The following POLA2 variants were observed in gnomAD, a reference collection of about 807,000 sequenced individuals.
POLA2 encodes the protein DNA polymerase alpha 2, accessory subunit, also known as DNA polymerase alpha subunit B.
POLA2 carries 47 observed loss-of-function variants against 82.8 expected under a neutral mutation model. The observed-to-expected ratio is 0.57, with a 90% CI of 0.45 to 0.72. The LOEUF is 0.72. Among genes scored for constraint, POLA2 ranks in the 30% least tolerant of loss-of-function variants. The pLI is 0.00. For missense variants in POLA2, 634 were observed against 728.1 expected, an observed-to-expected ratio of 0.87 and a Z score of 1.49; for synonymous variants, 287 against 286.8, an observed-to-expected ratio of 1.00 and a Z score of -0.01.
intron 17 of POLA2, 110 bp downstream of exon 17, chr11:65,296,100 C>T: frequency 8.6e-7 from 1 of 1,164,564 alleles, no homozygotes; most frequent in Non-Finnish European, 1.3e-6. Context: ...GGGATGGGGC[C>T]TCTAGCACCC....
intron 4 of POLA2, among the ~76,000 whole-genome samples, chr11:65,272,344 T>C (rs1209575845): frequency 1.3e-5 from 2 of 152,178 alleles, no homozygotes; most frequent in Non-Finnish European, 2.9e-5. Flanking sequence ...GGCCTTTCCA[T>C]ACAAACAGTG....
At chr11:65,286,578 CAG>C (rs959258467) in intron 10 of POLA2, among the ~76,000 whole-genome samples, 2 of 151,956 alleles carry the variant, frequency 1.3e-5, no homozygotes, top group East Asian at 1.9e-4. Context: ...TTTGTAGAAA[CAG>C]GGTTTCATTA....
chr11:65,287,245 C>A (rs1445698005), intron 10 of POLA2, among the ~76,000 whole-genome samples: 1 of 152,062 alleles, frequency 6.6e-6, no homozygotes, highest in East Asian at 1.9e-4. Flanking sequence ...TGGAGTCTCC[C>A]GTTCCAGTCT....
chr11:65,292,308 G>A (rs1949763688), intron 13 of POLA2, among the ~76,000 whole-genome samples: 1 of 152,228 alleles, frequency 6.6e-6, no homozygotes, highest in Non-Finnish European at 1.5e-5. Flanking sequence ...CGTCCTGTTT[G>A]CGGGAGCAGC....
At chr11:65,264,229 G>T (rs552953004) in intron 1 of POLA2, among the ~76,000 whole-genome samples, 1 of 151,992 alleles carries the variant, frequency 6.6e-6, no homozygotes, top group Non-Finnish European at 1.5e-5. Flanking sequence ...CACCACGCCC[G>T]GCTAATTTTT....
At chr11:65,299,586 A>G (rs938043523), downstream of POLA2, among the ~76,000 whole-genome samples, 7 of 152,182 alleles carry the variant, frequency 4.6e-5, no homozygotes, top group African/African-American at 1.7e-4. Context: ...TTCTGCAGCC[A>G]CTGGGGCTTG....
chr11:65,292,924 T>C (rs1949770285), intron 13 of POLA2, among the ~76,000 whole-genome samples: 4 of 152,228 alleles, frequency 2.6e-5, no homozygotes, highest in Admixed American at 2.0e-4. Flanking sequence ...ACGGCCCCTC[T>C]GCCAAGGTCA....
chr11:65,290,729 C>T (rs1473502437), intron 13 of POLA2, among the ~76,000 whole-genome samples: 1 of 152,188 alleles, frequency 6.6e-6, no homozygotes, highest in African/African-American at 2.4e-5. Flanking sequence ...TTTTCTCACT[C>T]CCTTTTGTAT....
rs768302933 is a variant in POLA2, at chr11:65,282,543, G to A, written c.1006+22G>A. On this transcript the variant is annotated intron_variant, in intron 10 of 17. Transcript: ENST00000265465. The stretch of plus-strand genomic sequence containing the variant: ...GCAGGTGAGTTTCGGTTCAAATATT[G>A]TTTTGCCAACAATGAGGATGGTAGA... 25 of 1,604,954 alleles carry A rather than the reference G, an allele frequency of 1.6e-5. No homozygotes were observed. In the South Asian group the frequency reaches 2.4e-4, roughly 16 times the overall value.
chr11:65,295,472 C>T (rs1949799990), intron 15 of POLA2, 68 bp from the exon 16 acceptor site: 1 of 1,316,674 alleles, frequency 7.6e-7, no homozygotes. Context: ...TTAAATTCTC[C>T]AGTCCTCCCT....
chr11:65,305,289 A>G (rs971690571), intron 8 of POLA2: 6 of 444,778 alleles, frequency 1.3e-5, no homozygotes, highest in African/African-American at 1.2e-4. Context: ...TGTGGCTCTT[A>G]AGCAAATGAA....
chr11:65,293,608 C>CAA (rs35492423), intron 13 of POLA2, among the ~76,000 whole-genome samples: 7 of 73,546 alleles, frequency 9.5e-5, no homozygotes, highest in Admixed American at 3.0e-4. Flanking sequence ...GGCTCTGTCT[C>CAA]AAAAAAAAAA....
In POLA2 at chr11:65,297,324, A is replaced by G; in HGVS notation, c.*55A>G. On this transcript the variant is annotated 3_prime_UTR_variant, in exon 18 of 18. Transcript: ENST00000265465. ...GTGGGCCCTTAAAGTCTTAGCCAAG[A>G]GCCAAGACATAGCCCTGTGACAAGG... is the stretch of plus-strand genomic sequence containing the variant. The G allele has an allele frequency of 3.3e-6, 5 of 1,512,524 alleles. No individual in the cohort carries two copies. Among genetic ancestry groups the G allele is most frequent in the East Asian group, 4.7e-5 (2 of 42,852 alleles). 93.7% of individuals were successfully genotyped at this position (1,512,524 alleles called of 1,614,324 possible).
At chr11:65,283,507 C>A (rs549608915) in intron 10 of POLA2, among the ~76,000 whole-genome samples, 1 of 151,750 alleles carries the variant, frequency 6.6e-6, no homozygotes, top group African/African-American at 2.4e-5. Context: ...TCTCGCTCTG[C>A]CCCCCAGGCT....
intron 4 of POLA2, among the ~76,000 whole-genome samples, chr11:65,273,464 GACTAGAAC>G (rs903009290): frequency 2.0e-5 from 3 of 152,176 alleles, no homozygotes; most frequent in Non-Finnish European, 4.4e-5. Flanking sequence ...TGAGGCTGAG[GACTAGAAC>G]ACCAGACTGT....
At chr11:65,279,676 C>A in intron 7 of POLA2, 50 bp downstream of exon 7, 2 of 1,297,028 alleles carry the variant, frequency 1.5e-6, no homozygotes, top group Non-Finnish European at 2.2e-6. Flanking sequence ...GTTTTTAAAT[C>A]GATGACCAAG....
chr11:65,289,844 C>G lies in POLA2; in HGVS notation c.1216C>G (p.Leu406Val). 6.2e-7 allele frequency: 1 copy of G among 1,610,618 alleles called. No homozygotes were observed. The change falls in exon 13 of 18, where the codon CTA (leucine) becomes GTA (valine). Residue 406 changes from leucine to valine, a missense_variant. Leu to Val is a conservative substitution (Grantham distance 32, BLOSUM62 1). Transcript: ENST00000265465. ...SPFEDIFKQCLRTIIEGTRSS... is the reference protein window; with the variant it reads ...SPFEDIFKQCVRTIIEGTRSS... ...ATTTGAAGACATTTTCAAGCAGTGTCTACGAACAATTATTGAAGGCACAAG... is the reference window on the plus strand; with the variant it reads ...ATTTGAAGACATTTTCAAGCAGTGTGTACGAACAATTATTGAAGGCACAAG...
chr11:65,304,329 A>C (rs1369916466), intron 8 of POLA2, among the ~76,000 whole-genome samples: 1 of 148,710 alleles, frequency 6.7e-6, no homozygotes, highest in Non-Finnish European at 1.5e-5. Flanking sequence ...CCATCCATCC[A>C]TAGACTTAAC....
At chr11:65,301,499 C>T (rs1478900000), downstream of POLA2, among the ~76,000 whole-genome samples, 1 of 151,622 alleles carries the variant, frequency 6.6e-6, no homozygotes, top group Admixed American at 6.6e-5. Context: ...ACCAAGTGGG[C>T]CATTGGAATA....
Sources: gnomAD v4.1 joint callset for allele counts (sites outside exome capture counted in the v4.1 genomes callset) on GRCh38, gnomAD v4.1.1 for gene constraint, MANE v1.5 for transcripts, NCBI Gene and HGNC (gene_info 2026-07-23, HGNC 2026-07-21) for gene names.